Variants in GRIP1 observed in about 807,000 individuals in gnomAD.
GRIP1 encodes glutamate receptor interacting protein 1.
In GRIP1, 45 loss-of-function variants were observed where a neutral mutation model predicts 129.9. The observed-to-expected ratio is 0.35, with a 90% CI of 0.27 to 0.44. The LOEUF (loss-of-function observed/expected upper bound fraction) is 0.44, where lower values mean the gene tolerates loss of function less well. Among genes scored for constraint, GRIP1 ranks in the 20% least tolerant of loss-of-function variants. GRIP1 has a pLI of 1.00. For synonymous variants in GRIP1, 530 were observed against 520.8 expected (o/e 1.02, Z -0.24); for missense variants, 1,196 against 1,396.8 (o/e 0.86, Z 2.29).
intron 1 of GRIP1, among the ~76,000 whole-genome samples, chr12:66,651,772 G>T (rs1466650516): frequency 2.0e-5 from 3 of 151,996 alleles, no homozygotes; most frequent in Non-Finnish European, 4.4e-5. Context: ...GGAGGAGGGA[G>T]GGGAGCATTT....
chr12:66,751,209 A>C (rs2037116121), intron 1 of GRIP1, among the ~76,000 whole-genome samples: 1 of 152,194 alleles, frequency 6.6e-6, no homozygotes, highest in Non-Finnish European at 1.5e-5. Flanking sequence ...TTTACATTCC[A>C]TCATTGAACA....
At chr12:66,670,409 A>T (rs1393511224) in intron 1 of GRIP1, among the ~76,000 whole-genome samples, 1 of 152,200 alleles carries the variant, frequency 6.6e-6, no homozygotes, top group Non-Finnish European at 1.5e-5. Context: ...AGGAGGGCAG[A>T]CTTGAAGACT....
chr12:66,897,582 A>G (rs1045843972), intron 1 of GRIP1, among the ~76,000 whole-genome samples: 2 of 152,206 alleles, frequency 1.3e-5, no homozygotes, highest in African/African-American at 4.8e-5. Context: ...GGAGGCAGTC[A>G]TGATGGTGGC....
chr12:66,455,599 T>G (rs754067890), intron 10 of GRIP1, 35 bp from the exon 11 acceptor site: 2 of 1,603,352 alleles, frequency 1.2e-6, no homozygotes, highest in South Asian at 2.2e-5. Flanking sequence ...CAGAGCACTC[T>G]CAGGTGAGGT....
At chr12:66,405,263 G>T (rs2057150283) in intron 16 of GRIP1, among the ~76,000 whole-genome samples, 1 of 152,030 alleles carries the variant, frequency 6.6e-6, no homozygotes, top group African/African-American at 2.4e-5. Flanking sequence ...AGTATAATCA[G>T]CAGAACCATA....
intron 1 of GRIP1, among the ~76,000 whole-genome samples, chr12:67,006,355 A>T (rs1049683297): frequency 6.6e-6 from 1 of 152,150 alleles, no homozygotes; most frequent in Non-Finnish European, 1.5e-5. Flanking sequence ...ACTTGAGCCT[A>T]GCAGTTCAAG....
chr12:66,660,175 C>A (rs187452976), intron 1 of GRIP1, among the ~76,000 whole-genome samples: 6 of 152,058 alleles, frequency 3.9e-5, no homozygotes, highest in Non-Finnish European at 8.8e-5. Context: ...ATTGTGTTCA[C>A]GTTAGAATTT....
intron 1 of GRIP1, among the ~76,000 whole-genome samples, chr12:66,743,192 T>C (rs762213356): frequency 4.6e-5 from 7 of 152,186 alleles, no homozygotes; most frequent in African/African-American, 1.4e-4. Flanking sequence ...CAGGTACTCA[T>C]TAAATATTTG....
At chr12:66,743,354 GA>G (rs1019849909) in intron 1 of GRIP1, among the ~76,000 whole-genome samples, 12 of 152,018 alleles carry the variant, frequency 7.9e-5, no homozygotes, top group African/African-American at 2.9e-4. Context: ...GTGGTAGCAG[GA>G]GTCTTGCTAT....
intron 1 of GRIP1, among the ~76,000 whole-genome samples, chr12:66,614,349 T>C (rs548454340): frequency 1.5e-3 from 224 of 151,968 alleles, no homozygotes; most frequent in South Asian, 4.2e-3. Flanking sequence ...AACAGAACTA[T>C]TGATTTCCCA....
rs962710669 is a variant in GRIP1 at position 66,483,012 on chromosome 12, CTGTT to C, written c.725-17594_725-17591del. 3.3e-5 allele frequency among the ~76,000 whole-genome samples: 5 copies of C among 152,274 alleles called. 1 individual carries two copies. The highest frequency in any genetic ancestry group is 1.2e-4 in the African/African-American group (5 of 41,552). ...ATAATTACAGAAGATACGCTGATGA[CTGTT>C]TGCATGGGAAACACTCTGGATTTTT... On this transcript the variant is annotated intron_variant, in intron 7 of 24. Transcript: ENST00000359742.
At chr12:66,596,556 A>G (rs1022064820) in intron 2 of GRIP1, among the ~76,000 whole-genome samples, 4 of 152,190 alleles carry the variant, frequency 2.6e-5, no homozygotes, top group Non-Finnish European at 5.9e-5. Context: ...ATCCCCTGAA[A>G]ATGAGATGAG....
At chr12:66,365,293 C>T (rs1285597203) in intron 23 of GRIP1, among the ~76,000 whole-genome samples, 5 of 151,946 alleles carry the variant, frequency 3.3e-5, no homozygotes, top group Admixed American at 2.6e-4. Context: ...AAAAATTACC[C>T]GGGCATGGTG....
At chr12:66,863,343 T>C (rs2040145165) in intron 1 of GRIP1, among the ~76,000 whole-genome samples, 1 of 152,154 alleles carries the variant, frequency 6.6e-6, no homozygotes, top group African/African-American at 2.4e-5. Flanking sequence ...TTGAAGTTGA[T>C]TTCTAATAGG....
At chr12:66,883,151 T>C (rs2040508334) in intron 1 of GRIP1, among the ~76,000 whole-genome samples, 1 of 152,070 alleles carries the variant, frequency 6.6e-6, no homozygotes, top group African/African-American at 2.4e-5. Flanking sequence ...AGTTAATGTC[T>C]CTCTGGTCTC....
At chr12:66,428,297 G>A (rs191367409) in intron 14 of GRIP1, among the ~76,000 whole-genome samples, 123 of 152,268 alleles carry the variant, frequency 8.1e-4, no homozygotes, top group African/African-American at 2.9e-3. Context: ...GCAGTGAGTA[G>A]AGCTTTTTAC....
intron 1 of GRIP1, among the ~76,000 whole-genome samples, chr12:66,639,386 G>C (rs778041456): frequency 6.6e-6 from 1 of 152,134 alleles, no homozygotes; most frequent in South Asian, 2.1e-4. Context: ...GGGGGAGGGC[G>C]TTCCAGGAAA....
intron 1 of GRIP1, among the ~76,000 whole-genome samples, chr12:66,959,244 A>G (rs1000575469): frequency 9.2e-5 from 14 of 152,164 alleles, no homozygotes; most frequent in South Asian, 2.1e-4. Context: ...TTTTTAAACA[A>G]TAACTTTCAT....
chr12:66,617,807 A>AGGCCGGGCGCGGTGGCGG (rs1555217508), intron 1 of GRIP1, among the ~76,000 whole-genome samples: 1 of 148,848 alleles, frequency 6.7e-6, no homozygotes, highest in Non-Finnish European at 1.5e-5. Context: ...TGCATATTAA[A>AGGCCGGGCGCGGTGGCGG]GCCACAGGAA....
Sources: allele counts gnomAD v4.1 joint callset (sites outside exome capture counted in the v4.1 genomes callset), GRCh38; gene constraint gnomAD v4.1.1; transcripts MANE v1.5; gene names NCBI Gene and HGNC (gene_info 2026-07-23, HGNC 2026-07-21).